Variants in SLC22A15 observed in about 807,000 individuals in gnomAD.
SLC22A15 encodes solute carrier family 22 member 15, also known as flipt 1.
Under a neutral mutation model 62.7 loss-of-function variants are expected in SLC22A15, and 45 were observed. The observed-to-expected ratio is 0.72, with a 90% CI of 0.56 to 0.92. The LOEUF is 0.92. Ranked by LOEUF, SLC22A15 falls within the 40% of genes least tolerant of loss-of-function variation. The pLI is 0.00. For missense variants in SLC22A15, 622 were observed against 665.6 expected (o/e 0.93, Z 0.72); for synonymous variants, 264 against 267.0 (o/e 0.99, Z 0.11).
chr1:116,007,788 A>G lies in SLC22A15; in HGVS notation c.301-11794A>G, dbSNP rs144223465. Among the ~76,000 whole-genome samples, 79 of 152,328 alleles carry G rather than the reference A, an allele frequency of 5.2e-4. 1 individual carries two copies. The East Asian group carries it at 0.012, about 23-fold the overall frequency. On this transcript the variant is annotated intron_variant, in intron 2 of 11. Coordinates refer to ENST00000369503, the MANE Select transcript of SLC22A15 (RefSeq NM_018420.3). ...TAATAAGCTGCTAGTCTGGGATTCA[A>G]TGAGCTCATATTCTTTCCACTTCAC...
At chr1:115,986,129 C>T (rs1361375957) in intron 1 of SLC22A15, among the ~76,000 whole-genome samples, 1 of 151,960 alleles carries the variant, frequency 6.6e-6, no homozygotes, top group Non-Finnish European at 1.5e-5. Flanking sequence ...AGGCATGAGC[C>T]ACCACACCTG....
chr1:116,034,872 T>A (rs1168204760), intron 6 of SLC22A15, among the ~76,000 whole-genome samples: 2 of 152,366 alleles, frequency 1.3e-5, no homozygotes, highest in South Asian at 4.1e-4. Context: ...GTCATTGTGT[T>A]CTATTAATTG....
At chr1:116,005,857 A>G (rs992608836) in intron 2 of SLC22A15, among the ~76,000 whole-genome samples, 1 of 152,208 alleles carries the variant, frequency 6.6e-6, no homozygotes, top group African/African-American at 2.4e-5. Context: ...ATATATTGAC[A>G]TAATCCATGT....
chr1:116,027,359 C>T (rs778294300), intron 5 of SLC22A15: 34 of 525,330 alleles, frequency 6.5e-5, no homozygotes, highest in Non-Finnish European at 1.1e-4. Flanking sequence ...AGGTGTGTGA[C>T]TGAGGTATGA....
At chr1:116,050,827 A>G (rs1483230236) in intron 8 of SLC22A15, among the ~76,000 whole-genome samples, 1 of 152,200 alleles carries the variant, frequency 6.6e-6, no homozygotes, top group African/African-American at 2.4e-5. Flanking sequence ...AGAAATCCTA[A>G]AGACTCCTCC....
chr1:116,038,972 C>T (rs1276481765), intron 8 of SLC22A15, among the ~76,000 whole-genome samples: 2 of 152,070 alleles, frequency 1.3e-5, no homozygotes, highest in Non-Finnish European at 2.9e-5. Flanking sequence ...TACATGTGGC[C>T]CTTTCTTGAA....
chr1:115,989,371 T>A (rs1655036728), intron 1 of SLC22A15, among the ~76,000 whole-genome samples: 1 of 152,226 alleles, frequency 6.6e-6, no homozygotes, highest in Non-Finnish European at 1.5e-5. Flanking sequence ...TTCTCCAAAC[T>A]GGCTTTATTG....
chr1:116,021,404 A>G (rs1011154610), intron 4 of SLC22A15, among the ~76,000 whole-genome samples: 3 of 151,716 alleles, frequency 2.0e-5, no homozygotes, highest in Non-Finnish European at 1.5e-5. Context: ...TTATTTTCTC[A>G]AGAACTACAT....
intron 4 of SLC22A15, among the ~76,000 whole-genome samples, chr1:116,023,783 G>A (rs1344223507): frequency 2.6e-5 from 4 of 152,178 alleles, no homozygotes; most frequent in Non-Finnish European, 4.4e-5. Flanking sequence ...AGAAAACCTC[G>A]ATGTGGGTGT....
chr1:115,976,863 C>A, intron 1 of SLC22A15, 149 bp downstream of exon 1: 1 of 534,562 alleles, frequency 1.9e-6, no homozygotes, highest in Non-Finnish European at 3.0e-6. Context: ...GGGGCAGGGG[C>A]GAGGCGCCGC....
rs183675195 is a variant in SLC22A15, at chr1:115,990,206, A to G, written c.88-1825A>G. Reference sequence around the variant, plus strand: ...GTCTTGGAGGATGGGGAAAGCTCAAACATTTGCAGCAGGAGAAAGTGCCTT... The same window carrying G: ...GTCTTGGAGGATGGGGAAAGCTCAAGCATTTGCAGCAGGAGAAAGTGCCTT... On this transcript the variant is annotated intron_variant, in intron 1 of 11. Coordinates refer to ENST00000369503, the MANE Select transcript of SLC22A15 (RefSeq NM_018420.3). Among the ~76,000 whole-genome samples the G allele has an allele frequency of 1.9e-3, 289 of 152,326 alleles. 1 individual carries two copies. The highest frequency in any genetic ancestry group is 6.8e-3 in the African/African-American group (281 of 41,580).
intron 1 of SLC22A15, among the ~76,000 whole-genome samples, chr1:115,986,662 T>A (rs1339713573): frequency 6.6e-6 from 1 of 152,204 alleles, no homozygotes; most frequent in African/African-American, 2.4e-5. Context: ...AGTATGGTTG[T>A]TGGTTGTTGC....
At chr1:116,009,290 G>A (rs1656130627) in intron 2 of SLC22A15, among the ~76,000 whole-genome samples, 1 of 151,822 alleles carries the variant, frequency 6.6e-6, no homozygotes, top group Admixed American at 6.6e-5. Flanking sequence ...TGTCTGTGCT[G>A]TGTGCTCCCG....
chr1:116,048,219 A>G (rs1244256566), intron 8 of SLC22A15, among the ~76,000 whole-genome samples: 1 of 152,208 alleles, frequency 6.6e-6, no homozygotes, highest in East Asian at 1.9e-4. Context: ...TCCAAATACA[A>G]GAAGTACAAA....
chr1:115,999,185 G>T (rs1245410963), intron 2 of SLC22A15, among the ~76,000 whole-genome samples: 1 of 152,130 alleles, frequency 6.6e-6, no homozygotes, highest in East Asian at 1.9e-4. Context: ...GACTTGTTTT[G>T]TGGCTAACAT....
intron 8 of SLC22A15, among the ~76,000 whole-genome samples, chr1:116,040,880 A>T (rs1657761091): frequency 6.6e-6 from 1 of 152,250 alleles, no homozygotes; most frequent in African/African-American, 2.4e-5. Flanking sequence ...TGCTGGGATT[A>T]TAGGCATGAC....
At chr1:115,993,650 A>G (rs1477466476) in intron 2 of SLC22A15, among the ~76,000 whole-genome samples, 2 of 152,080 alleles carry the variant, frequency 1.3e-5, no homozygotes, top group Non-Finnish European at 2.9e-5. Flanking sequence ...TTACTATACT[A>G]ACTTTTTGAG....
chr1:116,056,753 A>G (rs950179714), intron 8 of SLC22A15, among the ~76,000 whole-genome samples: 1 of 152,254 alleles, frequency 6.6e-6, no homozygotes, highest in Non-Finnish European at 1.5e-5. Context: ...GTAACGCCGC[A>G]TATCTACAAC....
chr1:115,976,779 T>C lies in SLC22A15; in HGVS notation c.87+65T>C, dbSNP rs1361672494. On this transcript the variant is annotated intron_variant, in intron 1 of 11. Coordinates refer to ENST00000369503, the MANE Select transcript of SLC22A15 (RefSeq NM_018420.3). ...GGGCCGCCCGGCGCAGGGCTAGGCGTCCGCTCCCAGACCGCCGGGGCCGGG... is the reference window on the plus strand; with the variant it reads ...GGGCCGCCCGGCGCAGGGCTAGGCGCCCGCTCCCAGACCGCCGGGGCCGGG... 3.1e-6 allele frequency: 4 copies of C among 1,307,198 alleles called. No homozygotes were observed. In the South Asian group the frequency reaches 4.9e-5, roughly 16 times the overall value. The allele number at this position is 1,307,198 out of a possible 1,614,324, so 81.0% of individuals were successfully genotyped here.
Sources: gnomAD v4.1 joint callset for allele counts (sites outside exome capture counted in the v4.1 genomes callset) on GRCh38, gnomAD v4.1.1 for gene constraint, MANE v1.5 for transcripts, NCBI Gene and HGNC (gene_info 2026-07-23, HGNC 2026-07-21) for gene names.